SMARCA4: variants seen among roughly 807,000 people sequenced by gnomAD.
SMARCA4 encodes SWI/SNF-related matrix-associated actin-dependent regulator of chromatin subfamily A member 4.
Under a neutral mutation model 193.9 loss-of-function variants are expected in SMARCA4, and 31 were observed. The observed-to-expected ratio is 0.16, with a 90% CI of 0.12 to 0.22. SMARCA4 has a LOEUF of 0.22. Among genes scored for constraint, SMARCA4 ranks in the 10% least tolerant of loss-of-function variants. The probability of loss-of-function intolerance (pLI) is 1.00; values close to 1 mark genes in which losing one functional copy is unlikely to be tolerated. For synonymous variants in SMARCA4, 942 were observed against 933.1 expected, an observed-to-expected ratio of 1.01 and a Z score of -0.17; for missense variants, 1,148 against 2,296.0, an observed-to-expected ratio of 0.50 and a Z score of 10.22.
rs760537610 is a variant in SMARCA4 at position 11,025,519 on chromosome 19, C to G, written c.3168+11C>G. On this transcript the variant is annotated intron_variant, in intron 22 of 34. Transcript: ENST00000344626. Reference sequence around the variant, plus strand: ...TTCCAGCACATCGAGGTGAGCCCGCCGCGGCTGGGACGGCTCAGGCCCTGC... The same window carrying G: ...TTCCAGCACATCGAGGTGAGCCCGCGGCGGCTGGGACGGCTCAGGCCCTGC... 2.5e-6 allele frequency: 4 copies of G among 1,608,894 alleles called. No individual in the cohort carries two copies. Among genetic ancestry groups the G allele is most frequent in the Non-Finnish European group, 3.4e-6 (4 of 1,176,656 alleles).
At chr19:10,963,196 G>C (rs898774892) in intron 1 of SMARCA4, among the ~76,000 whole-genome samples, 1 of 151,666 alleles carries the variant, frequency 6.6e-6, no homozygotes, top group Non-Finnish European at 1.5e-5. Flanking sequence ...AACATAGTGA[G>C]ACCTCATCTC....
At chr19:10,971,464 C>T (rs2084663429) in intron 1 of SMARCA4, among the ~76,000 whole-genome samples, 1 of 151,742 alleles carries the variant, frequency 6.6e-6, no homozygotes, top group Non-Finnish European at 1.5e-5. Flanking sequence ...ATTTATAGCA[C>T]TTCCACCCTC....
intron 11 of SMARCA4, among the ~76,000 whole-genome samples, chr19:11,001,009 T>C (rs2087582625): frequency 6.6e-6 from 1 of 152,022 alleles, no homozygotes; most frequent in South Asian, 2.1e-4. Flanking sequence ...CGGACAGTGG[T>C]ACTCAGCCTC....
In SMARCA4 at chr19:10,986,730, G is replaced by T; in HGVS notation, c.760+137G>T. ...GCACGGGCCCATACTGCACTTCTGG[G>T]TGCTCGGGTGGTGGGGGCAGCTAAA... On this transcript the variant is annotated intron_variant, in intron 4 of 34. Coordinates refer to ENST00000344626, the MANE Select transcript of SMARCA4 (RefSeq NM_003072.5). The surrounding 1 kb of genome is among the most constrained non-coding windows in gnomAD (Gnocchi z 6.7). 3 of 1,371,192 alleles carry T rather than the reference G, an allele frequency of 2.2e-6. No homozygotes were observed. Among genetic ancestry groups the T allele is most frequent in the Non-Finnish European group, 3.0e-6 (3 of 1,001,436 alleles). The allele number at this position is 1,371,192 out of a possible 1,614,324, so 84.9% of individuals were successfully genotyped here. A position where few individuals can be genotyped will look rare whatever the true frequency, so the allele number is the denominator to read the frequency against.
In SMARCA4 at chr19:10,986,611, G is replaced by A. The variant is rs1236404856; in HGVS notation, c.760+18G>A. 1.3e-6 allele frequency: 2 copies of A among 1,535,576 alleles called. No individual in the cohort carries two copies. The highest frequency in any genetic ancestry group is 1.7e-6 in the Non-Finnish European group (2 of 1,146,782). On this transcript the variant is annotated intron_variant, in intron 4 of 34. Transcript: ENST00000344626. The surrounding 1 kb of genome is among the most constrained non-coding windows in gnomAD (Gnocchi z 6.7). ...GCCTCATGGTAAGACTGGCTGCCCT[G>A]GCCCTCAGGTGTCTCAGAGCGAATG...
chr19:11,052,590 C>T (rs550771374), intron 30 of SMARCA4, among the ~76,000 whole-genome samples: 36 of 152,346 alleles, frequency 2.4e-4, no homozygotes, highest in African/African-American at 8.2e-4. Flanking sequence ...TTCCCAATGT[C>T]GGGATCCTGT....
Position 11,030,701 on chromosome 19 carries a change from C to T in SMARCA4, c.3383-29C>T, listed in dbSNP as rs201287150. The T allele has an allele frequency of 3.2e-4, 507 of 1,603,434 alleles. 3 individuals carry two copies. In the African/African-American group the frequency reaches 5.6e-3, roughly 18 times the overall value. ...CCACTCTACCCCTGAGGTCACCCCG[C>T]TGACCCTGTTCTCCTCTGTGCCCGT... On this transcript the variant is annotated intron_variant, in intron 24 of 34. Coordinates refer to ENST00000344626, the MANE Select transcript of SMARCA4 (RefSeq NM_003072.5). The surrounding 1 kb of genome is among the most constrained non-coding windows in gnomAD (Gnocchi z 5.5).
chr19:10,972,954 C>T lies in SMARCA4; in HGVS notation c.-31-11167C>T, dbSNP rs570109280. On this transcript the variant is annotated intron_variant, in intron 1 of 34. Transcript: ENST00000344626. Reference sequence around the variant, plus strand: ...TGAAACCCCATCTCTACAAAAAATACGAAAATTAGCTGGGCATGGCGGTGT... The same window carrying T: ...TGAAACCCCATCTCTACAAAAAATATGAAAATTAGCTGGGCATGGCGGTGT... Among the ~76,000 whole-genome samples the T allele has an allele frequency of 8.5e-5, 13 of 152,198 alleles. No individual in the cohort carries two copies. The South Asian group carries it at 1.7e-3, about 19-fold the overall frequency.
intron 30 of SMARCA4, among the ~76,000 whole-genome samples, chr19:11,051,500 T>A: frequency 6.7e-6 from 1 of 150,302 alleles, no homozygotes; most frequent in Non-Finnish European, 1.5e-5. Flanking sequence ...CCTTTTTTTT[T>A]TTTTTTTTTG....
In SMARCA4 at chr19:11,013,129, A is replaced by C. The variant is rs1438521404; in HGVS notation, c.2438+17A>C. Reference sequence around the variant, plus strand: ...GCCTCTCTCGTGAGTACCCGCTGCCAGCAACATCCCACACGCCGCTCACAC... The same window carrying C: ...GCCTCTCTCGTGAGTACCCGCTGCCCGCAACATCCCACACGCCGCTCACAC... On this transcript the variant is annotated intron_variant, in intron 16 of 34. Transcript: ENST00000344626. The C allele has an allele frequency of 1.2e-6, 2 of 1,613,660 alleles. No individual in the cohort carries two copies. Among genetic ancestry groups the C allele is most frequent in the Non-Finnish European group, 1.7e-6 (2 of 1,179,808 alleles).
chr19:11,047,473 A>C (rs550255842), intron 30 of SMARCA4: 1 of 149,756 alleles, frequency 6.7e-6, no homozygotes, highest in South Asian at 2.1e-4. Flanking sequence ...CAGTGGCACT[A>C]TCTTGGCTCA....
At chr19:11,047,302 A>G (rs760523349) in intron 30 of SMARCA4, among the ~76,000 whole-genome samples, 1 of 152,128 alleles carries the variant, frequency 6.6e-6, no homozygotes, top group Non-Finnish European at 1.5e-5. Flanking sequence ...ACGGTTCCAG[A>G]CACAGGGCTT....
intron 13 of SMARCA4, among the ~76,000 whole-genome samples, chr19:11,005,830 A>G (rs529820466): frequency 6.6e-6 from 1 of 152,310 alleles, no homozygotes; most frequent in East Asian, 1.9e-4. Flanking sequence ...TTAAGGTTCA[A>G]TGATTCTAGT....
At chr19:10,972,348 G>A (rs1371410754) in intron 1 of SMARCA4, among the ~76,000 whole-genome samples, 2 of 151,538 alleles carry the variant, frequency 1.3e-5, no homozygotes, top group East Asian at 3.9e-4. Flanking sequence ...CACCTGCCTC[G>A]GCCTCCCAAA....
chr19:11,062,034 TAAA>T lies in SMARCA4; in HGVS notation c.*219_*221del, dbSNP rs1238327200. ...GCATCTGTAACAGCATTAACTGTCT[TAAA>T]GAGAGAGAGAGAGAATTCCGAATTG... is the stretch of plus-strand genomic sequence containing the variant. On this transcript the variant is annotated 3_prime_UTR_variant, in exon 35 of 35. Transcript: ENST00000344626. 27 of 600,432 alleles carry T rather than the reference TAAA, an allele frequency of 4.5e-5. No individual in the cohort carries two copies. In the East Asian group the frequency reaches 7.0e-4, roughly 16 times the overall value. 37.2% of individuals were successfully genotyped at this position (600,432 alleles called of 1,614,324 possible).
rs1207080512 is a variant in SMARCA4 at position 10,996,528 on chromosome 19, T to C, written c.1796T>C (p.Ile599Thr). The change falls in exon 11 of 35, where the codon ATT (isoleucine) becomes ACT (threonine). Residue 599 changes from isoleucine (I) to threonine (T), a missense_variant. Coordinates refer to ENST00000344626, the MANE Select transcript of SMARCA4 (RefSeq NM_003072.5). Reference sequence around the variant, plus strand: ...AATGCAGAAGGACAGACGCCTGCCATTGGGCCGGATGGCGAGGTGAGGAAG... The same window carrying C: ...AATGCAGAAGGACAGACGCCTGCCACTGGGCCGGATGGCGAGGTGAGGAAG... Reference protein sequence around the residue: ...AENAEGQTPAIGPDGEPLDET... With the variant: ...AENAEGQTPATGPDGEPLDET... 3.7e-6 allele frequency: 6 copies of C among 1,614,076 alleles called. No homozygotes were observed. In the East Asian group the frequency reaches 6.7e-5, roughly 18 times the overall value.
In SMARCA4 at chr19:11,019,705, A is replaced by G. The variant is rs1375792226; in HGVS notation, c.2616+4A>G. The G allele has an allele frequency of 6.2e-7, 1 of 1,604,486 alleles. No homozygotes were observed. The highest frequency in any genetic ancestry group is 1.1e-5 in the South Asian group (1 of 90,630). ...AGACAAGCACATCCTCGCCAAGGTA[A>G]CGTGTCCCTGTGGGAAATGCCAGGC... On this transcript the variant is annotated splice_donor_region_variant and intron_variant, in intron 18 of 34. Coordinates refer to ENST00000344626, the MANE Select transcript of SMARCA4 (RefSeq NM_003072.5). This position sits in a 1 kb window ranked among gnomAD's most constrained non-coding sequence, Gnocchi z 6.1.
intron 6 of SMARCA4, among the ~76,000 whole-genome samples, chr19:10,988,625 T>C (rs1174221603): frequency 1.3e-5 from 2 of 152,192 alleles, no homozygotes; most frequent in African/African-American, 4.8e-5. Flanking sequence ...CTCCTTCTAC[T>C]CATTCAGGCC....
chr19:11,060,267 G>A (rs2147130867), intron 34 of SMARCA4, 80 bp downstream of exon 34: 10 of 1,510,584 alleles, frequency 6.6e-6, no homozygotes, highest in Non-Finnish European at 8.1e-6. Flanking sequence ...GCCCTGTGGG[G>A]CGGTGCTCCC....
Sources: allele counts gnomAD v4.1 joint callset (sites outside exome capture counted in the v4.1 genomes callset), GRCh38; gene constraint gnomAD v4.1.1; non-coding constraint Gnocchi (gnomAD v3.1); transcripts MANE v1.5; gene names NCBI Gene and HGNC (gene_info 2026-07-23, HGNC 2026-07-21).